SLCO3A1: variants seen among roughly 807,000 people sequenced by gnomAD.
SLCO3A1 encodes the protein solute carrier organic anion transporter family member 3A1.
A neutral mutation model predicts 63.1 loss-of-function variants in SLCO3A1; 27 were observed. The observed-to-expected ratio is 0.43, with a 90% confidence interval of 0.32 to 0.59. The LOEUF is 0.59. Among genes scored for constraint, SLCO3A1 ranks in the 20% least tolerant of loss-of-function variants. SLCO3A1 has a pLI of 0.09. For synonymous variants in SLCO3A1, 473 were observed against 409.9 expected, an observed-to-expected ratio of 1.15 and a Z score of -1.86; for missense variants, 773 against 945.8, an observed-to-expected ratio of 0.82 and a Z score of 2.40.
At chr15:91,959,445 A>G (rs1241283013) in intron 2 of SLCO3A1, among the ~76,000 whole-genome samples, 2 of 152,100 alleles carry the variant, frequency 1.3e-5, no homozygotes, top group African/African-American at 2.4e-5. Context: ...AAAGAAAATT[A>G]TAGGCTGGGC....
At chr15:92,158,214 C>A (rs1667703819) in intron 9 of SLCO3A1, among the ~76,000 whole-genome samples, 1 of 152,028 alleles carries the variant, frequency 6.6e-6, no homozygotes, top group African/African-American at 2.4e-5. Flanking sequence ...AAGATCAAAC[C>A]CCCTGTGTGT....
chr15:92,084,459 T>C (rs553990903), intron 2 of SLCO3A1, among the ~76,000 whole-genome samples: 1 of 152,254 alleles, frequency 6.6e-6, no homozygotes, highest in South Asian at 2.1e-4. Context: ...GAGGGAGCAT[T>C]TGTACCATGC....
intron 4 of SLCO3A1, among the ~76,000 whole-genome samples, chr15:92,106,083 T>G (rs966844927): frequency 6.6e-6 from 1 of 152,192 alleles, no homozygotes; most frequent in Non-Finnish European, 1.5e-5. Context: ...GTCTCAAGAA[T>G]GAAAGCACTG....
chr15:92,122,029 A>G (rs981634123), intron 5 of SLCO3A1, among the ~76,000 whole-genome samples: 1 of 152,124 alleles, frequency 6.6e-6, no homozygotes, highest in African/African-American at 2.4e-5. Context: ...AGGAGAGAGG[A>G]CATGGCCTGT....
chr15:92,154,481 G>A lies in SLCO3A1; in HGVS notation c.1753+3467G>A, dbSNP rs557611942. ...TTTAATTTTATTAGTTTTCACATAA[G>A]TAGGTGGATGTGGCCAGTGTCTGCC... On this transcript the variant is annotated intron_variant, in intron 9 of 9. Coordinates refer to ENST00000318445, the MANE Select transcript of SLCO3A1 (RefSeq NM_013272.4). Among the ~76,000 whole-genome samples, 6 of 152,328 alleles carry A rather than the reference G, an allele frequency of 3.9e-5. No homozygotes were observed. The South Asian group carries it at 1.2e-3, about 32-fold the overall frequency.
chr15:92,145,248 G>A (rs994961878), intron 7 of SLCO3A1, among the ~76,000 whole-genome samples: 3 of 152,228 alleles, frequency 2.0e-5, no homozygotes, highest in African/African-American at 7.2e-5. Flanking sequence ...GGAAATGCAG[G>A]TGGTGAGCTA....
chr15:92,050,192 G>C (rs1407129253), intron 2 of SLCO3A1, among the ~76,000 whole-genome samples: 3 of 152,202 alleles, frequency 2.0e-5, no homozygotes, highest in Admixed American at 6.5e-5. Context: ...TCTGCTCTCT[G>C]CTTCGAAGGT....
chr15:91,895,135 T>C (rs1338642158), intron 1 of SLCO3A1, among the ~76,000 whole-genome samples: 1 of 152,188 alleles, frequency 6.6e-6, no homozygotes, highest in African/African-American at 2.4e-5. Flanking sequence ...GTATTTTACA[T>C]GAAAAAGAAG....
rs1038486926 is a variant in SLCO3A1 at position 91,882,966 on chromosome 15, T to C, written c.180+28878T>C. 1.3e-5 allele frequency among the ~76,000 whole-genome samples: 2 copies of C among 152,220 alleles called. No homozygotes were observed. The highest frequency in any genetic ancestry group is 2.9e-5 in the Non-Finnish European group (2 of 68,042). ...CTTTAAGAAGTTGGTTGGGCTGCTC[T>C]ATTAATGCCCAGTGAGTAAGGGAAT... On this transcript the variant is annotated intron_variant, in intron 1 of 9. Transcript: ENST00000318445. This position sits in a 1 kb window ranked among gnomAD's most constrained non-coding sequence, Gnocchi z 4.4.
intron 2 of SLCO3A1, among the ~76,000 whole-genome samples, chr15:91,936,437 G>T (rs1247474022): frequency 1.3e-5 from 2 of 152,242 alleles, no homozygotes; most frequent in African/African-American, 4.8e-5. Flanking sequence ...ACATGTGACT[G>T]TTGGCTAGCA....
At chr15:92,096,226 CG>C (rs2151538197) in intron 3 of SLCO3A1, among the ~76,000 whole-genome samples, 1 of 152,240 alleles carries the variant, frequency 6.6e-6, no homozygotes, top group East Asian at 1.9e-4. Context: ...ACTACCTCAC[CG>C]TGACACCCCT....
intron 2 of SLCO3A1, among the ~76,000 whole-genome samples, chr15:91,996,290 A>G (rs1017497594): frequency 6.6e-6 from 1 of 152,194 alleles, no homozygotes; most frequent in Admixed American, 6.5e-5. Flanking sequence ...TATGACAAAG[A>G]TAAGATCTTT....
intron 2 of SLCO3A1, among the ~76,000 whole-genome samples, chr15:92,041,938 G>C (rs1173549168): frequency 6.6e-6 from 1 of 152,148 alleles, no homozygotes; most frequent in African/African-American, 2.4e-5. Context: ...CAGGAAGTAT[G>C]GTGGGGGTGG....
At chr15:91,946,948 A>T (rs967716672) in intron 2 of SLCO3A1, among the ~76,000 whole-genome samples, 1 of 152,172 alleles carries the variant, frequency 6.6e-6, no homozygotes, top group Non-Finnish European at 1.5e-5. Flanking sequence ...TTTATAATCA[A>T]ATGTGTCCAT....
intron 2 of SLCO3A1, among the ~76,000 whole-genome samples, chr15:91,966,789 G>A (rs1900676525): frequency 1.3e-5 from 2 of 152,176 alleles, no homozygotes; most frequent in Non-Finnish European, 2.9e-5. Flanking sequence ...CTCAAACAGA[G>A]CATCTGGCAC....
rs1188059307 is a variant in SLCO3A1, at chr15:92,047,494, AAT to A, written c.647-47379_647-47378del. On this transcript the variant is annotated intron_variant, in intron 2 of 9. Transcript: ENST00000318445. ...ATAAATATATATAAATATATATATA[AAT>A]ATATATAAATATATATAAATACATA... Among the ~76,000 whole-genome samples, 60 of 11,188 alleles carry A rather than the reference AAT, an allele frequency of 5.4e-3. 11 individuals are homozygous for A. The highest frequency in any genetic ancestry group is 0.01 in the African/African-American group (36 of 3,562). 7.3% of individuals were successfully genotyped at this position (11,188 alleles called of 152,430 possible). A position where few individuals can be genotyped will look rare whatever the true frequency, so the allele number is the denominator to read the frequency against.
At chr15:92,140,256 A>T (rs1356065726) in intron 7 of SLCO3A1, among the ~76,000 whole-genome samples, 2 of 133,710 alleles carry the variant, frequency 1.5e-5, no homozygotes, top group Non-Finnish European at 3.2e-5. Context: ...ATTCAGGAGC[A>T]GGTTGTTCAG....
At chr15:91,965,724 GT>G (rs1379804777) in intron 2 of SLCO3A1, among the ~76,000 whole-genome samples, 4 of 68,718 alleles carry the variant, frequency 5.8e-5, no homozygotes, top group East Asian at 5.1e-4. Context: ...CCAGCAGGGT[GT>G]GTGTGTGTGT....
In SLCO3A1 at chr15:91,942,999, C is replaced by T. The variant is rs900632031; in HGVS notation, c.646+26541C>T. ...CCCTTTCTCTCCTAAAAGCATCTCC[C>T]TTGACCTTCTGTCCTTGTAATTAAT... On this transcript the variant is annotated intron_variant, in intron 2 of 9. Transcript: ENST00000318445. This position sits in a 1 kb window ranked among gnomAD's most constrained non-coding sequence, Gnocchi z 4.1. Among the ~76,000 whole-genome samples the T allele has an allele frequency of 6.6e-6, 1 of 152,240 alleles. No homozygotes were observed. The highest frequency in any genetic ancestry group is 2.1e-4 in the South Asian group (1 of 4,834).
Sources: allele counts gnomAD v4.1 joint callset (sites outside exome capture counted in the v4.1 genomes callset), GRCh38; gene constraint gnomAD v4.1.1; non-coding constraint Gnocchi (gnomAD v3.1); transcripts MANE v1.5; gene names NCBI Gene and HGNC (gene_info 2026-07-23, HGNC 2026-07-21).